The following DENND4A variants were observed in gnomAD, a reference collection of about 807,000 sequenced individuals.
DENND4A encodes the protein C-myc promoter-binding protein.
Under a neutral mutation model 199.3 loss-of-function variants are expected in DENND4A, and 70 were observed. The observed-to-expected ratio is 0.35, with a 90% confidence interval of 0.29 to 0.43. The LOEUF is 0.43. Among genes scored for constraint, DENND4A ranks in the 20% least tolerant of loss-of-function variants. The pLI is 1.00. For synonymous variants in DENND4A, 686 were observed against 766.9 expected, an observed-to-expected ratio of 0.89 and a Z score of 1.74; for missense variants, 1,723 against 2,255.8, an observed-to-expected ratio of 0.76 and a Z score of 4.78.
rs1276314747 is a variant in DENND4A, at chr15:65,748,112, A to T, written c.561+4267T>A. 3.3e-5 allele frequency among the ~76,000 whole-genome samples: 5 copies of T among 151,572 alleles called. No individual in the cohort carries two copies. The East Asian group carries it at 9.7e-4, about 29-fold the overall frequency. On this transcript the variant is annotated intron_variant, in intron 4 of 32. Coordinates refer to ENST00000443035, the MANE Select transcript of DENND4A (RefSeq NM_001320835.1). ...CTACACTTCAGAAAAAGGAACATGAATTTTTAAAAAGTCAACTTCCATAAA... is the reference window on the plus strand; with the variant it reads ...CTACACTTCAGAAAAAGGAACATGATTTTTTAAAAAGTCAACTTCCATAAA...
At position 65,701,085 on chromosome 15, in the gene DENND4A, C is replaced by T. The variant is rs768487634; in HGVS notation, c.2667G>A (p.Lys889=). The change falls in exon 19 of 33, where the codon AAG becomes AAA. Residue 889 remains lysine, a synonymous_variant. Coordinates refer to ENST00000443035, the MANE Select transcript of DENND4A (RefSeq NM_001320835.1). ...TTGTTTGTGATAAGTGTGCATGCTT[C>T]TTTAAAGCTCTTTTGAACTGTGTTA... ...LGVTQFKRAL[K]KHAHLSQTTL... is the part of the protein sequence containing the mutation. 1 of 1,608,976 alleles carries T rather than the reference C, an allele frequency of 6.2e-7. No individual in the cohort carries two copies. Among genetic ancestry groups the T allele is most frequent in the Non-Finnish European group, 8.5e-7 (1 of 1,178,516 alleles).
intron 29 of DENND4A, 119 bp downstream of exon 29, chr15:65,667,330 A>AAAAAT: frequency 7.9e-7 from 1 of 1,266,476 alleles, no homozygotes; most frequent in Non-Finnish European, 1.1e-6. Flanking sequence ...CTACGTCTCA[A>AAAAAT]AAAATAAAAT....
chr15:65,720,746 T>A (rs2075595246), intron 12 of DENND4A, among the ~76,000 whole-genome samples: 1 of 151,256 alleles, frequency 6.6e-6, no homozygotes, highest in Admixed American at 6.6e-5. Context: ...GCTTCATCCT[T>A]GTTAACTGTA....
chr15:65,788,108 G>A (rs1396723915), intron 1 of DENND4A, among the ~76,000 whole-genome samples: 1 of 150,312 alleles, frequency 6.7e-6, no homozygotes, highest in African/African-American at 2.4e-5. Flanking sequence ...ACAGAGTCTC[G>A]TTCTGCCACC....
At chr15:65,668,713 T>G (rs1021215721) in intron 27 of DENND4A, among the ~76,000 whole-genome samples, 6 of 151,530 alleles carry the variant, frequency 4.0e-5, no homozygotes, top group Non-Finnish European at 7.4e-5. Flanking sequence ...CCCAGCTACT[T>G]GGGAGGCTGA....
chr15:65,731,820 C>T, intron 8 of DENND4A, 120 bp from the exon 9 acceptor site: 1 of 669,416 alleles, frequency 1.5e-6, no homozygotes. Context: ...ATCCATTTAC[C>T]AGTATCAGAA....
At chr15:65,713,613 T>C (rs1429440230) in intron 14 of DENND4A, among the ~76,000 whole-genome samples, 2 of 152,222 alleles carry the variant, frequency 1.3e-5, no homozygotes, top group East Asian at 3.8e-4. Context: ...CATGGTTTCT[T>C]ATTTTACTCA....
chr15:65,781,109 A>G (rs2077424461), intron 1 of DENND4A, among the ~76,000 whole-genome samples: 1 of 152,212 alleles, frequency 6.6e-6, no homozygotes, highest in African/African-American at 2.4e-5. Flanking sequence ...GAAGGAGGAA[A>G]CAAAGGCATT....
intron 22 of DENND4A, 106 bp from the exon 23 acceptor site, chr15:65,691,617 AC>A: frequency 8.5e-7 from 1 of 1,173,866 alleles, no homozygotes; most frequent in Admixed American, 2.9e-5. Context: ...GCAAGCACTC[AC>A]TGAGTGTCTG....
intron 1 of DENND4A, among the ~76,000 whole-genome samples, chr15:65,769,091 A>T (rs962459501): frequency 7.9e-5 from 12 of 152,014 alleles, no homozygotes; most frequent in Non-Finnish European, 1.2e-4. Flanking sequence ...TGAGGCTGTT[A>T]TAAATGATTA....
chr15:65,661,954 T>A lies in DENND4A; in HGVS notation c.5621A>T (p.Asp1874Val). Residue 1874 changes from aspartate to valine, a missense_variant, in exon 33 of 33, where the codon GAT becomes GTT. Coordinates refer to ENST00000443035, the MANE Select transcript of DENND4A (RefSeq NM_001320835.1). ...CTTGACTTGACTAGGTGTGAGACGA[T>A]CGTATGCCATCTTGTACTCTTTATC... is the stretch of plus-strand genomic sequence containing the variant. The part of the protein sequence containing the change: ...AFDKEYKMAY[D>V]RLTPSQVKST... The A allele has an allele frequency of 6.2e-7, 1 of 1,613,106 alleles. No homozygotes were observed. Among genetic ancestry groups the A allele is most frequent in the African/African-American group, 1.3e-5 (1 of 75,050 alleles).
At chr15:65,709,291 G>A (rs964311722) in intron 14 of DENND4A, among the ~76,000 whole-genome samples, 1 of 152,070 alleles carries the variant, frequency 6.6e-6, no homozygotes, top group Non-Finnish European at 1.5e-5. Flanking sequence ...ACTTACTATG[G>A]TATCAAAACA....
At position 65,665,352 on chromosome 15, in the gene DENND4A, A is replaced by C. The variant is rs2075999620; in HGVS notation, c.5352T>G (p.Asn1784Lys). The C allele has an allele frequency of 6.2e-7, 1 of 1,612,894 alleles. No homozygotes were observed. Among genetic ancestry groups the C allele is most frequent in the Non-Finnish European group, 8.5e-7 (1 of 1,179,054 alleles). The change falls in exon 30 of 33, where the codon AAT (asparagine) becomes AAG (lysine). Residue 1784 changes from asparagine (N) to lysine (K), a missense_variant. By Grantham distance (94) the Asn-to-Lys change is moderately conservative. This residue lies in a region of DENND4A where 164 missense variants were observed against 280.1 expected (regional missense o/e 0.59). Transcript: ENST00000443035. ...TTCTATGATGGCACTTACTGTGTGC[A>C]TTCCAGAGAATGTACAAGGGCTGTC... The part of the protein sequence containing the change: ...DPGQPLYILW[N>K]AHTQKYPMVH...
chr15:65,786,187 C>T (rs996104334), intron 1 of DENND4A, among the ~76,000 whole-genome samples: 5 of 152,068 alleles, frequency 3.3e-5, no homozygotes, highest in African/African-American at 1.2e-4. Context: ...AATTTAAATG[C>T]TCATCAATAG....
At chr15:65,738,084 C>T (rs1460013099) in intron 6 of DENND4A, 139 bp from the exon 7 acceptor site, 2 of 753,522 alleles carry the variant, frequency 2.7e-6, no homozygotes, top group Admixed American at 3.0e-5. Context: ...GAAGAGACAC[C>T]CCTCCTGCTT....
rs57613461 is a variant in DENND4A at position 65,676,141 on chromosome 15, AATATATATATAT to A, written c.4369+292_4369+303del. Among the ~76,000 whole-genome samples, 7 of 110,452 alleles carry A rather than the reference AATATATATATAT, an allele frequency of 6.3e-5. No homozygotes were observed. In the East Asian group the frequency reaches 3.0e-3, roughly 48 times the overall value. The allele number at this position is 110,452 out of a possible 152,430, so 72.5% of individuals were successfully genotyped here. A position where few individuals can be genotyped will look rare whatever the true frequency, so the allele number is the denominator to read the frequency against. Reference sequence around the variant, plus strand: ...AGAAGACAGGGAAGTAATAAGGAAAAATATATATATATATATATATATATACCTATACCTATA... The same window carrying A: ...AGAAGACAGGGAAGTAATAAGGAAAAATATATATATATACCTATACCTATA... On this transcript the variant is annotated intron_variant, in intron 24 of 32. Transcript: ENST00000443035.
chr15:65,751,363 G>A (rs941763207), intron 4 of DENND4A, among the ~76,000 whole-genome samples: 5 of 152,186 alleles, frequency 3.3e-5, no homozygotes, highest in Non-Finnish European at 7.4e-5. Context: ...ACTATAAGCA[G>A]GTTTGGAGAG....
intron 4 of DENND4A, among the ~76,000 whole-genome samples, chr15:65,751,697 T>C (rs1378623183): frequency 2.0e-5 from 3 of 152,170 alleles, no homozygotes; most frequent in Non-Finnish European, 4.4e-5. Context: ...TTCTTCTTCA[T>C]TGCACTGTTT....
At chr15:65,739,999 G>A (rs1032872651) in intron 5 of DENND4A, among the ~76,000 whole-genome samples, 1 of 151,902 alleles carries the variant, frequency 6.6e-6, no homozygotes, top group Non-Finnish European at 1.5e-5. Context: ...TGGACAACAC[G>A]GTGAAACCCC....
Sources: gnomAD v4.1 joint callset for allele counts (sites outside exome capture counted in the v4.1 genomes callset) on GRCh38, gnomAD v4.1.1 for gene constraint, gnomAD v4.1.1 regional missense constraint, MANE v1.5 for transcripts, NCBI Gene and HGNC (gene_info 2026-07-23, HGNC 2026-07-21) for gene names.